Variants in HSPA9 observed in about 807,000 individuals in gnomAD.
HSPA9 encodes the protein heat shock protein family A (Hsp70) member 9.
In HSPA9, 28 loss-of-function variants were observed where a neutral mutation model predicts 81.5. The observed-to-expected ratio is 0.34, with a 90% CI of 0.25 to 0.47. The LOEUF is 0.47. HSPA9 is among the 20% of genes least tolerant of loss of function. HSPA9 has a pLI of 1.00. For synonymous variants in HSPA9, 293 were observed against 290.4 expected (o/e 1.01, Z -0.09); for missense variants, 678 against 838.0 (o/e 0.81, Z 2.36).
rs1204302163 is a variant in HSPA9, at chr5:138,573,837, T to G, written c.154A>C (p.Lys52Gln). Residue 52 changes from lysine (K) to glutamine (Q), a missense_variant, in exon 3 of 17, where the codon AAG becomes CAG. Transcript: ENST00000297185. ...SRRDYASEAI[K>Q]GAVVGIDLGT... ...AAATCAATACCAACAACTGCTCCCTTGATTGCTTCTGATCTGTAAGACATT... is the reference window on the plus strand; with the variant it reads ...AAATCAATACCAACAACTGCTCCCTGGATTGCTTCTGATCTGTAAGACATT... 1 of 1,612,248 alleles carries G rather than the reference T, an allele frequency of 6.2e-7. No homozygotes were observed. The highest frequency in any genetic ancestry group is 2.2e-5 in the East Asian group (1 of 44,858).
At chr5:138,564,095 T>C (rs1375321632) in intron 9 of HSPA9, among the ~76,000 whole-genome samples, 3 of 152,226 alleles carry the variant, frequency 2.0e-5, no homozygotes, top group African/African-American at 4.8e-5. Flanking sequence ...TTATTTTTAT[T>C]ATTTTTATTT....
Position 138,555,799 on chromosome 5 carries a change from T to C in HSPA9, c.*238A>G, listed in dbSNP as rs938623126. 4 of 561,610 alleles carry C rather than the reference T, an allele frequency of 7.1e-6. No individual in the cohort carries two copies. The highest frequency in any genetic ancestry group is 3.8e-5 in the African/African-American group (2 of 52,908). The allele number at this position is 561,610 out of a possible 1,614,324, so 34.8% of individuals were successfully genotyped here. On this transcript the variant is annotated 3_prime_UTR_variant, in exon 17 of 17. Transcript: ENST00000297185. ...TCAATTCATCCTACCTCCTTTTACA[T>C]GCAGCTGAAAAATGACAGGCTAGGG...
At chr5:138,560,562 TTC>T (rs1554142041) in intron 10 of HSPA9, among the ~76,000 whole-genome samples, 7,525 of 131,566 alleles carry the variant, frequency 0.057, 273 homozygotes, top group East Asian at 0.31. Flanking sequence ...CTTTTTCTTC[TTC>T]TTTTTTTTTT....
Position 138,575,389 on chromosome 5 carries a change from C to T in HSPA9, c.-71G>A. ...GGCAAAGAGCTGCGCGATGCGGTGG[C>T]GGCAGCGCTTCTGGAAACCTCCAAC... On this transcript the variant is annotated 5_prime_UTR_variant, in exon 1 of 17. Transcript: ENST00000297185. 1.5e-6 allele frequency: 2 copies of T among 1,345,414 alleles called. No homozygotes were observed. Among genetic ancestry groups the T allele is most frequent in the Non-Finnish European group, 2.1e-6 (2 of 946,520 alleles). 83.3% of individuals were successfully genotyped at this position (1,345,414 alleles called of 1,614,324 possible). A position where few individuals can be genotyped will look rare whatever the true frequency, so the allele number is the denominator to read the frequency against.
intron 1 of HSPA9, among the ~76,000 whole-genome samples, chr5:138,574,482 C>G (rs1205227646): frequency 6.6e-6 from 1 of 152,164 alleles, no homozygotes; most frequent in African/African-American, 2.4e-5. Flanking sequence ...CAGATGTCCC[C>G]TGGGGGAAAA....
chr5:138,555,668 C>G lies in HSPA9; in HGVS notation c.*369G>C, dbSNP rs559991571. 9.1e-6 allele frequency: 3 copies of G among 329,918 alleles called. No individual in the cohort carries two copies. Among genetic ancestry groups the G allele is most frequent in the South Asian group, 7.9e-5 (3 of 37,930 alleles). The allele number at this position is 329,918 out of a possible 1,614,324, so 20.4% of individuals were successfully genotyped here. On this transcript the variant is annotated 3_prime_UTR_variant, in exon 17 of 17. Coordinates refer to ENST00000297185, the MANE Select transcript of HSPA9 (RefSeq NM_004134.7). ...GAAGGATCTCATCCCCATATGTGGT[C>G]TCATTTCAAGTCTATGGATGACTAC...
intron 11 of HSPA9, chr5:138,559,595 T>G (rs1750609212): frequency 4.7e-6 from 2 of 423,902 alleles, no homozygotes; most frequent in African/African-American, 2.0e-5. Flanking sequence ...GAGATCCCTT[T>G]TAGCAAATTA....
chr5:138,561,521 C>G lies in HSPA9; in HGVS notation c.1182+59G>C, dbSNP rs1029976560. ...GGGCCATATATTTGTGCCACCTGTCCCAAGAATACACTATGCGCCAGCCCT... is the reference window on the plus strand; with the variant it reads ...GGGCCATATATTTGTGCCACCTGTCGCAAGAATACACTATGCGCCAGCCCT... On this transcript the variant is annotated intron_variant, in intron 10 of 16. Coordinates refer to ENST00000297185, the MANE Select transcript of HSPA9 (RefSeq NM_004134.7). 4 of 1,424,972 alleles carry G rather than the reference C, an allele frequency of 2.8e-6. No homozygotes were observed. The African/African-American group carries it at 5.6e-5, about 20-fold the overall frequency. 88.3% of individuals were successfully genotyped at this position (1,424,972 alleles called of 1,614,324 possible). A position where few individuals can be genotyped will look rare whatever the true frequency, so the allele number is the denominator to read the frequency against.
chr5:138,574,688 G>T (rs530647826), intron 1 of HSPA9: 1 of 162,480 alleles, frequency 6.2e-6, no homozygotes, highest in African/African-American at 2.4e-5. Flanking sequence ...TTTTATTTTA[G>T]AAAACAAGTA....
chr5:138,565,513 C>T (rs141976506), intron 9 of HSPA9, among the ~76,000 whole-genome samples: 4 of 152,028 alleles, frequency 2.6e-5, no homozygotes, highest in Non-Finnish European at 2.9e-5. Flanking sequence ...CCCAAGACAC[C>T]GGAAATAGAT....
intron 11 of HSPA9, 159 bp downstream of exon 11, chr5:138,559,705 A>G: frequency 1.5e-6 from 1 of 656,626 alleles, no homozygotes. Context: ...AAAAAACAAA[A>G]CACAGGATTC....
At chr5:138,561,127 G>C (rs1359540843) in intron 10 of HSPA9, 1 of 477,260 alleles carries the variant, frequency 2.1e-6, no homozygotes, top group Non-Finnish European at 4.3e-6. Context: ...TTGTCAAAGA[G>C]ATGCACTAAG....
At chr5:138,574,025 T>G (rs774969290) in intron 2 of HSPA9, 43 bp downstream of exon 2, 1 of 1,489,750 alleles carries the variant, frequency 6.7e-7, no homozygotes, top group East Asian at 2.3e-5. Context: ...TGCTTTGAAG[T>G]TTAATATGTA....
chr5:138,555,783 C>T lies in HSPA9; in HGVS notation c.*254G>A. On this transcript the variant is annotated 3_prime_UTR_variant, in exon 17 of 17. Transcript: ENST00000297185. ...TAAATCTTTATAATGATCAATTCAT[C>T]CTACCTCCTTTTACATGCAGCTGAA... 2 of 540,060 alleles carry T rather than the reference C, an allele frequency of 3.7e-6. No homozygotes were observed. The highest frequency in any genetic ancestry group is 6.6e-6 in the Non-Finnish European group (2 of 303,092). The allele number at this position is 540,060 out of a possible 1,614,324, so 33.5% of individuals were successfully genotyped here.
chr5:138,574,650 A>T (rs1483885670), intron 1 of HSPA9: 2 of 167,566 alleles, frequency 1.2e-5, no homozygotes, highest in Admixed American at 1.2e-4. Context: ...ATGCCCACAT[A>T]CAATTCCTGT....
chr5:138,566,391 T>G, intron 9 of HSPA9, among the ~76,000 whole-genome samples: 1 of 152,074 alleles, frequency 6.6e-6, no homozygotes. Flanking sequence ...ACACATTATT[T>G]AGCTCCAGTA....
At chr5:138,561,159 G>A (rs1195006898) in intron 10 of HSPA9, 5 of 440,990 alleles carry the variant, frequency 1.1e-5, no homozygotes, top group Non-Finnish European at 2.4e-5. Flanking sequence ...CATGTACAAA[G>A]ATGGTGGCCG....
rs41295693 is a variant in HSPA9 at position 138,573,139 on chromosome 5, C to T, written c.228+624G>A. On this transcript the variant is annotated intron_variant, in intron 3 of 16. Coordinates refer to ENST00000297185, the MANE Select transcript of HSPA9 (RefSeq NM_004134.7). ...CGATCTCTTGACCTTGTGATCCACC[C>T]GCCTTGGCCTCCCAAAGTGCTAGGA... Among the ~76,000 whole-genome samples the T allele has an allele frequency of 5.4e-4, 82 of 152,252 alleles. 1 individual carries two copies. The East Asian group carries it at 0.014, about 26-fold the overall frequency.
In HSPA9 at chr5:138,561,673, G is replaced by T; in HGVS notation, c.1089C>A (p.Ile363=). 6.2e-7 allele frequency: 1 copy of T among 1,614,106 alleles called. No individual in the cohort carries two copies. The highest frequency in any genetic ancestry group is 1.1e-5 in the South Asian group (1 of 91,084). ...CTTGCATAGCTTTTTGGCATGGAGC[G>T]ATAGTCCTTCTGATTAGATCAGTGA... is the stretch of plus-strand genomic sequence containing the variant. ...GIVTDLIRRT[I]APCQKAMQDA... Residue 363 remains isoleucine (I), a synonymous_variant, in exon 10 of 17, where the codon ATC becomes ATA. Transcript: ENST00000297185.
Sources: allele counts gnomAD v4.1 joint callset (sites outside exome capture counted in the v4.1 genomes callset), GRCh38; gene constraint gnomAD v4.1.1; transcripts MANE v1.5; gene names NCBI Gene and HGNC (gene_info 2026-07-23, HGNC 2026-07-21).